Variants in BRWD3 observed in about 807,000 individuals in gnomAD.
The protein encoded by BRWD3 is bromodomain and WD repeat-containing protein 3.
BRWD3 carries 10 observed loss-of-function variants against 149.7 expected under a neutral mutation model. That is an observed-to-expected ratio of 0.07 (90% CI 0.04 to 0.11). The LOEUF (loss-of-function observed/expected upper bound fraction) is 0.11, where lower values mean the gene tolerates loss of function less well. BRWD3 is among the 10% of genes least tolerant of loss of function. BRWD3 has a pLI of 1.00. For synonymous variants in BRWD3, 504 were observed against 456.7 expected, an observed-to-expected ratio of 1.10 and a Z score of -1.32; for missense variants, 940 against 1,373.2, an observed-to-expected ratio of 0.68 and a Z score of 4.99.
At position 80,680,316 on chromosome X, in the gene BRWD3, T is replaced by C. The variant is rs770923430; in HGVS notation, c.4654+1025A>G. On this transcript the variant is annotated intron_variant, in intron 40 of 40. Coordinates refer to ENST00000373275, the MANE Select transcript of BRWD3 (RefSeq NM_153252.5). ...TTTATGATAATTGATGTCCCTTGTA[T>C]GGTCCAAGATAGACGCACATAATGA... Among the ~76,000 whole-genome samples, 250 of 112,457 alleles carry C rather than the reference T, an allele frequency of 2.2e-3. 1 individual carries two copies. The highest frequency in any genetic ancestry group is 4.6e-3 in the Middle Eastern group (1 of 218).
intron 6 of BRWD3, among the ~76,000 whole-genome samples, chrX:80,775,911 T>C (rs2073996135): frequency 1.8e-5 from 2 of 111,937 alleles, no homozygotes. Context: ...AGTAGTCTTG[T>C]GAGATTTGAA....
intron 26 of BRWD3, 50 bp from the exon 27 acceptor site, chrX:80,696,040 T>C (rs1187943915): frequency 2.9e-6 from 3 of 1,028,221 alleles, no homozygotes; most frequent in Admixed American, 4.5e-5. Context: ...TATAACAATA[T>C]ATGTTACTAA....
chrX:80,782,635 C>T (rs961812767), intron 6 of BRWD3, among the ~76,000 whole-genome samples: 1 of 111,862 alleles, frequency 8.9e-6, no homozygotes, highest in Non-Finnish European at 1.9e-5. Flanking sequence ...CAGTGACTCA[C>T]GCCTGTAATT....
At chrX:80,750,999 C>T in intron 6 of BRWD3, among the ~76,000 whole-genome samples, 1 of 110,748 alleles carries the variant, frequency 9.0e-6, no homozygotes, top group Middle Eastern at 4.6e-3. Context: ...AAGCCAAGCA[C>T]AGAAAAACAA....
At chrX:80,699,627 G>C (rs1417654432) in intron 25 of BRWD3, among the ~76,000 whole-genome samples, 1 of 111,682 alleles carries the variant, frequency 9.0e-6, no homozygotes, top group Non-Finnish European at 1.9e-5. Flanking sequence ...TCAGAACCTT[G>C]AGAGTGTTTA....
At chrX:80,757,998 G>C (rs1183177383) in intron 6 of BRWD3, among the ~76,000 whole-genome samples, 1 of 111,495 alleles carries the variant, frequency 9.0e-6, no homozygotes, top group Non-Finnish European at 1.9e-5. Flanking sequence ...TAGGGAGTTC[G>C]AGACCAGCCT....
At position 80,728,854 on chromosome X, in the gene BRWD3, C is replaced by G; in HGVS notation, c.1284G>C (p.Met428Ile). The change falls in exon 14 of 41, where the codon ATG becomes ATC. Residue 428 changes from methionine to isoleucine, a missense_variant. Met to Ile is a conservative substitution (Grantham distance 10, BLOSUM62 1). Transcript: ENST00000373275. ...EDKITKLKVT[M>I]VAWDRYDTTV... ...TGGTATCATAGCGATCCCAGGCCAC[C>G]ATAGTCACCTTAAGTTTAGTGATCT... 8.3e-7 allele frequency: 1 copy of G among 1,209,030 alleles called. No homozygotes were observed. Among genetic ancestry groups the G allele is most frequent in the South Asian group, 1.8e-5 (1 of 56,904 alleles).
At chrX:80,777,733 T>C (rs17281713) in intron 6 of BRWD3, among the ~76,000 whole-genome samples, 9,312 of 111,258 alleles carry the variant, frequency 0.084, 375 homozygotes, top group South Asian at 0.18. Flanking sequence ...AACATAACTC[T>C]TGGGCAATTT....
At chrX:80,808,790 G>A (rs2074378167) in intron 3 of BRWD3, among the ~76,000 whole-genome samples, 192 bp from the exon 4 acceptor site, 1 of 103,185 alleles carries the variant, frequency 9.7e-6, no homozygotes, top group African/African-American at 3.5e-5. Flanking sequence ...GGTCGAGAAG[G>A]AAATCCTGAA....
chrX:80,754,093 T>G (rs1214759688), intron 6 of BRWD3, among the ~76,000 whole-genome samples: 1 of 112,143 alleles, frequency 8.9e-6, no homozygotes, highest in Non-Finnish European at 1.9e-5. Flanking sequence ...ACTGAATCTG[T>G]AGGTTGCTTT....
chrX:80,707,071 T>C (rs947887465), intron 22 of BRWD3, among the ~76,000 whole-genome samples: 1 of 112,611 alleles, frequency 8.9e-6, no homozygotes, highest in African/African-American at 3.2e-5. Flanking sequence ...AGTGTTACAA[T>C]GGCTATGATG....
chrX:80,787,313 C>T (rs969559276), intron 6 of BRWD3, among the ~76,000 whole-genome samples: 10 of 111,630 alleles, frequency 9.0e-5, no homozygotes, highest in African/African-American at 3.3e-4. Flanking sequence ...ACATTCAGTG[C>T]AATCCCAAGC....
At position 80,695,901 on chromosome X, in the gene BRWD3, T is replaced by C. The variant is rs1569249316; in HGVS notation, c.3151+7A>G. The C allele has an allele frequency of 1.7e-6, 2 of 1,197,377 alleles. No homozygotes were observed. Among genetic ancestry groups the C allele is most frequent in the Non-Finnish European group, 2.3e-6 (2 of 882,847 alleles). On this transcript the variant is annotated splice_region_variant and intron_variant, in intron 27 of 40. Coordinates refer to ENST00000373275, the MANE Select transcript of BRWD3 (RefSeq NM_153252.5). ...TAATAGTTATTAAACAACAATTCTA[T>C]ATTTACCAATCTGCCAGTTCCTTTC...
At chrX:80,796,133 G>GTT (rs202007432) in intron 4 of BRWD3, among the ~76,000 whole-genome samples, 15 of 103,006 alleles carry the variant, frequency 1.5e-4, no homozygotes, top group Non-Finnish European at 2.6e-4. Flanking sequence ...CAATGTTTTT[G>GTT]TTTTTTTTTT....
At chrX:80,682,216 C>G (rs1439534869) in intron 38 of BRWD3, 122 bp from the exon 39 acceptor site, 4 of 630,861 alleles carry the variant, frequency 6.3e-6, no homozygotes, top group Non-Finnish European at 9.9e-6. Context: ...AAGAAATGCC[C>G]TAAAATTCAT....
chrX:80,712,691 T>C (rs1480895578), intron 20 of BRWD3, among the ~76,000 whole-genome samples: 1 of 108,120 alleles, frequency 9.2e-6, no homozygotes, highest in Non-Finnish European at 1.9e-5. Context: ...CGCCATCCCA[T>C]CTAGGAAGTG....
At chrX:80,736,751 C>A (rs2073410615) in intron 8 of BRWD3, among the ~76,000 whole-genome samples, 1 of 110,743 alleles carries the variant, frequency 9.0e-6, no homozygotes, top group Non-Finnish European at 1.9e-5. Flanking sequence ...AGGATCAAGG[C>A]CTTTATCATG....
At chrX:80,757,720 G>A (rs1242467174) in intron 6 of BRWD3, among the ~76,000 whole-genome samples, 16 of 111,873 alleles carry the variant, frequency 1.4e-4, no homozygotes, top group African/African-American at 4.5e-4. Context: ...ATGATAGACC[G>A]TACTTCTTAA....
chrX:80,787,820 C>G (rs2074127713), intron 6 of BRWD3, among the ~76,000 whole-genome samples: 1 of 111,260 alleles, frequency 9.0e-6, no homozygotes, highest in Non-Finnish European at 1.9e-5. Flanking sequence ...CGTGGTGGCT[C>G]ACGCCTGTAA....
Sources: allele counts gnomAD v4.1 joint callset (sites outside exome capture counted in the v4.1 genomes callset), GRCh38; gene constraint gnomAD v4.1.1; transcripts MANE v1.5; gene names NCBI Gene and HGNC (gene_info 2026-07-23, HGNC 2026-07-21).